AGBL1: variants seen among roughly 807,000 people sequenced by gnomAD.
The protein encoded by AGBL1 is AGBL carboxypeptidase 1.
AGBL1 carries 130 observed loss-of-function variants against 118.9 expected under a neutral mutation model. The observed-to-expected ratio is 1.09, with a 90% confidence interval of 0.95 to 1.26. The LOEUF (loss-of-function observed/expected upper bound fraction) is 1.26. Ranked by LOEUF, AGBL1 falls within the 50% of genes most tolerant of loss-of-function variation. The pLI, the probability that AGBL1 is intolerant of heterozygous loss-of-function variation, is 0.00. For missense variants in AGBL1, 1,584 were observed against 1,298.1 expected (o/e 1.22, Z -3.38); for synonymous variants, 555 against 478.9 (o/e 1.16, Z -2.08).
intron 22 of AGBL1, among the ~76,000 whole-genome samples, chr15:86,868,624 T>C (rs1490860976): frequency 6.6e-6 from 1 of 152,216 alleles, no homozygotes; most frequent in East Asian, 1.9e-4. Flanking sequence ...GAGGATGTTG[T>C]AACGAAATAT....
At chr15:86,941,413 C>T (rs1413521132) in intron 23 of AGBL1, among the ~76,000 whole-genome samples, 1 of 152,050 alleles carries the variant, frequency 6.6e-6, no homozygotes, top group Non-Finnish European at 1.5e-5. Context: ...CACTGGAAGT[C>T]GAGAACTCTA....
intron 22 of AGBL1, among the ~76,000 whole-genome samples, chr15:86,896,233 T>C (rs1355191921): frequency 6.6e-6 from 1 of 152,148 alleles, no homozygotes; most frequent in Non-Finnish European, 1.5e-5. Flanking sequence ...TGGGTCATAA[T>C]ATTTCAAGTT....
At chr15:86,101,297 G>A (rs1308981899) in intron 1 of AGBL1, among the ~76,000 whole-genome samples, 1 of 152,098 alleles carries the variant, frequency 6.6e-6, no homozygotes, top group Non-Finnish European at 1.5e-5. Flanking sequence ...CCTGGAGAAT[G>A]GTTCATGTGC....
chr15:86,334,283 C>T (rs1227966349), intron 17 of AGBL1, among the ~76,000 whole-genome samples: 2 of 152,070 alleles, frequency 1.3e-5, no homozygotes, highest in Admixed American at 1.3e-4. Flanking sequence ...AAGACTCCAC[C>T]ACAAGGCTCC....
chr15:86,598,505 C>G (rs1020587165), intron 21 of AGBL1, among the ~76,000 whole-genome samples: 1 of 152,100 alleles, frequency 6.6e-6, no homozygotes, highest in African/African-American at 2.4e-5. Context: ...GCCACCACGA[C>G]TAGCCCAAAA....
intron 6 of AGBL1, among the ~76,000 whole-genome samples, chr15:86,228,950 A>T (rs1055040473): frequency 1.1e-4 from 17 of 152,154 alleles, no homozygotes; most frequent in Admixed American, 6.5e-4. Context: ...GGAATGGTCT[A>T]ATCCAAATCC....
At position 86,570,955 on chromosome 15, in the gene AGBL1, C is replaced by T. The variant is rs145836057; in HGVS notation, c.2994+16418C>T. On this transcript the variant is annotated intron_variant, in intron 21 of 22. Coordinates refer to ENST00000614907, the MANE Select transcript of AGBL1 (RefSeq NM_001386094.1). ...CAGTGAGGGGTGTGTGAGCAGCATGCGGGCTGGCCTGTGAGCAGTTTGTGG... is the reference window on the plus strand; with the variant it reads ...CAGTGAGGGGTGTGTGAGCAGCATGTGGGCTGGCCTGTGAGCAGTTTGTGG... Among the ~76,000 whole-genome samples, 325 of 152,230 alleles carry T rather than the reference C, an allele frequency of 2.1e-3. 2 individuals carry two copies. The highest frequency in any genetic ancestry group is 6.8e-3 in the Middle Eastern group (2 of 294).
At chr15:86,989,881 A>C (rs77770194) in intron 24 of AGBL1, among the ~76,000 whole-genome samples, 1,656 of 152,286 alleles carry the variant, frequency 0.011, 28 homozygotes, top group African/African-American at 0.037. Context: ...GCAAGCGCAA[A>C]GGCCCTGTGG....
intron 18 of AGBL1, among the ~76,000 whole-genome samples, chr15:86,460,445 A>G (rs181627092): frequency 1.3e-5 from 2 of 151,804 alleles, no homozygotes; most frequent in African/African-American, 4.8e-5. Context: ...GCAGTGAGCA[A>G]TGACTGAGCC....
At chr15:86,743,887 G>T (rs936706608) in intron 22 of AGBL1, among the ~76,000 whole-genome samples, 1 of 149,818 alleles carries the variant, frequency 6.7e-6, no homozygotes, top group Non-Finnish European at 1.5e-5. Flanking sequence ...ACACACACAC[G>T]TCTACACACA....
intron 18 of AGBL1, among the ~76,000 whole-genome samples, chr15:86,399,143 T>G (rs2081408491): frequency 6.6e-6 from 1 of 152,144 alleles, no homozygotes. Context: ...CGATCAGACC[T>G]TGGAAAGAAA....
chr15:86,755,294 G>A (rs1484162671), intron 22 of AGBL1, among the ~76,000 whole-genome samples: 1 of 152,110 alleles, frequency 6.6e-6, no homozygotes, highest in African/African-American at 2.4e-5. Flanking sequence ...AGTATAGAAT[G>A]GAAAGTGTGG....
chr15:86,826,556 G>A (rs1445391851), intron 22 of AGBL1, among the ~76,000 whole-genome samples: 4 of 152,106 alleles, frequency 2.6e-5, no homozygotes, highest in African/African-American at 9.7e-5. Flanking sequence ...GGGCTTGTTA[G>A]ATATAGATTT....
chr15:86,923,900 C>T (rs377498215), intron 23 of AGBL1, among the ~76,000 whole-genome samples: 15 of 152,246 alleles, frequency 9.9e-5, no homozygotes, highest in East Asian at 1.9e-4. Flanking sequence ...GTGATTTGGA[C>T]GAAAATCCTC....
intron 5 of AGBL1, among the ~76,000 whole-genome samples, chr15:86,209,804 G>T (rs886394015): frequency 1.3e-5 from 2 of 152,088 alleles, no homozygotes; most frequent in African/African-American, 2.4e-5. Context: ...GGGGCATTTA[G>T]CCCATTTACA....
chr15:86,646,396 G>A (rs1419865118), intron 21 of AGBL1, among the ~76,000 whole-genome samples: 2 of 152,132 alleles, frequency 1.3e-5, no homozygotes, highest in Admixed American at 6.6e-5. Flanking sequence ...TCTCGAACTT[G>A]AGAGTGCTTT....
chr15:86,573,587 C>T (rs549090602), intron 21 of AGBL1, among the ~76,000 whole-genome samples: 1 of 152,342 alleles, frequency 6.6e-6, no homozygotes, highest in East Asian at 1.9e-4. Context: ...TTTCATCCTA[C>T]TTCCTCCTCC....
chr15:87,008,470 C>T (rs2141776129), intron 24 of AGBL1, among the ~76,000 whole-genome samples: 1 of 152,278 alleles, frequency 6.6e-6, no homozygotes, highest in East Asian at 1.9e-4. Context: ...TCCATTAAAC[C>T]TCTTTTTCTT....
At chr15:86,165,981 T>C (rs975831626) in intron 5 of AGBL1, among the ~76,000 whole-genome samples, 1 of 152,144 alleles carries the variant, frequency 6.6e-6, no homozygotes, top group African/African-American at 2.4e-5. Flanking sequence ...TTTCATCTTC[T>C]TAAGAAGCCA....
Sources: allele counts gnomAD v4.1 joint callset (sites outside exome capture counted in the v4.1 genomes callset), GRCh38; gene constraint gnomAD v4.1.1; transcripts MANE v1.5; gene names NCBI Gene and HGNC (gene_info 2026-07-23, HGNC 2026-07-21).